GABRQ: variants seen among roughly 807,000 people sequenced by gnomAD.
GABRQ encodes gamma-aminobutyric acid receptor subunit theta.
In GABRQ, 19 loss-of-function variants were observed where a neutral mutation model predicts 30.5. The observed-to-expected ratio is 0.62, with a 90% CI of 0.43 to 0.91. The LOEUF is 0.91. Among genes scored for constraint, GABRQ ranks in the 40% least tolerant of loss-of-function variants. The probability of loss-of-function intolerance (pLI) is 0.00; values close to 1 mark genes in which losing one functional copy is unlikely to be tolerated. For missense variants in GABRQ, 520 were observed against 521.4 expected, an observed-to-expected ratio of 1.00 and a Z score of 0.03; for synonymous variants, 187 against 210.2, an observed-to-expected ratio of 0.89 and a Z score of 0.95.
intron 1 of GABRQ, among the ~76,000 whole-genome samples, chrX:152,639,191 G>A (rs1395627048): frequency 9.3e-6 from 1 of 107,328 alleles, no homozygotes; most frequent in African/African-American, 3.4e-5. Flanking sequence ...TTGGGATGCT[G>A]CAAAATGAAA....
At chrX:152,640,294 G>A (rs1211454127) in intron 1 of GABRQ, 84 bp from the exon 2 acceptor site, 2 of 585,279 alleles carry the variant, frequency 3.4e-6, no homozygotes, top group African/African-American at 2.2e-5. Flanking sequence ...CGTATGTGCT[G>A]GAGAAGAGAA....
In GABRQ at chrX:152,656,962, G is replaced by A. The variant is rs1349929505; in HGVS notation, c.*3681G>A. On this transcript the variant is annotated 3_prime_UTR_variant, in exon 9 of 9. Coordinates refer to ENST00000598523, the MANE Select transcript of GABRQ (RefSeq NM_018558.4). ...TTTTCAGGGGAGGGAGGGAGAGGATGTTAAAGTCTCTCTTTGATAAACTTA... is the reference window on the plus strand; with the variant it reads ...TTTTCAGGGGAGGGAGGGAGAGGATATTAAAGTCTCTCTTTGATAAACTTA... 8.9e-6 allele frequency: 1 copy of A among 111,848 alleles called. No homozygotes were observed. Among genetic ancestry groups the A allele is most frequent in the Non-Finnish European group, 1.9e-5 (1 of 53,192 alleles). 9.2% of individuals were successfully genotyped at this position (111,848 alleles called of 1,213,427 possible). A position where few individuals can be genotyped will look rare whatever the true frequency, so the allele number is the denominator to read the frequency against.
Position 152,645,545 on chromosome X carries a change from G to A in GABRQ, c.257G>A (p.Arg86Lys). 3.5e-6 allele frequency: 4 copies of A among 1,131,118 alleles called. No homozygotes were observed. The highest frequency in any genetic ancestry group is 4.9e-6 in the Non-Finnish European group (4 of 822,156). 93.2% of individuals were successfully genotyped at this position (1,131,118 alleles called of 1,213,427 possible). The change falls in exon 3 of 9, where the codon AGA becomes AAA. Residue 86 changes from arginine to lysine, a missense_variant. Arg to Lys is a conservative substitution (Grantham distance 26, BLOSUM62 2). Coordinates refer to ENST00000598523, the MANE Select transcript of GABRQ (RefSeq NM_018558.4). The part of the protein sequence containing the change: ...PNFGGAPVPV[R>K]ISIYVTSIEQ... Reference sequence around the variant, plus strand: ...CTTCTAGGTGCCCCTGTGCCTGTGAGAATATCTATTTATGTCACGAGCATT... The same window carrying A: ...CTTCTAGGTGCCCCTGTGCCTGTGAAAATATCTATTTATGTCACGAGCATT...
At chrX:152,648,417 G>T (rs1556819585) in intron 4 of GABRQ, among the ~76,000 whole-genome samples, 1 of 107,009 alleles carries the variant, frequency 9.3e-6, no homozygotes, top group South Asian at 4.3e-4. Context: ...CTGGAGTGCA[G>T]TAAGTGGCAC....
downstream of GABRQ, among the ~76,000 whole-genome samples, chrX:152,658,265 C>G (rs1931186224): frequency 8.9e-6 from 1 of 111,783 alleles, no homozygotes; most frequent in Non-Finnish European, 1.9e-5. Context: ...CATTCTGACC[C>G]CAGGCTAGGT....
At position 152,656,718 on chromosome X, in the gene GABRQ, T is replaced by C. The variant is rs1931156810; in HGVS notation, c.*3437T>C. The C allele has an allele frequency of 8.9e-6, 1 of 112,554 alleles. No individual in the cohort carries two copies. Among genetic ancestry groups the C allele is most frequent in the Non-Finnish European group, 1.9e-5 (1 of 53,334 alleles). The allele number at this position is 112,554 out of a possible 1,213,427, so 9.3% of individuals were successfully genotyped here. ...CCTAATGAGGTTTCCTCATTCCATA[T>C]ATATAATAGCTAACCCTTAAAGCCA... On this transcript the variant is annotated 3_prime_UTR_variant, in exon 9 of 9. Coordinates refer to ENST00000598523, the MANE Select transcript of GABRQ (RefSeq NM_018558.4).
intron 4 of GABRQ, 71 bp downstream of exon 4, chrX:152,647,239 C>A: frequency 1.3e-6 from 1 of 777,027 alleles, no homozygotes. Context: ...TACAAACACA[C>A]TCTAAGGGAC....
Position 152,645,529 on chromosome X carries a change from G to T in GABRQ, c.241G>T (p.Ala81Ser), listed in dbSNP as rs1556819084. 1 of 1,089,564 alleles carries T rather than the reference G, an allele frequency of 9.2e-7. No individual in the cohort carries two copies. The allele number at this position is 1,089,564 out of a possible 1,213,427, so 89.8% of individuals were successfully genotyped here. Residue 81 changes from alanine (A) to serine (S), a missense_variant and splice_region_variant, in exon 3 of 9, where the codon GCC (alanine) becomes TCC (serine). Ala to Ser is a moderately conservative substitution (Grantham distance 99). Coordinates refer to ENST00000598523, the MANE Select transcript of GABRQ (RefSeq NM_018558.4). The part of the protein sequence containing the change: ...DVRLRPNFGG[A>S]PVPVRISIYV... ...AACTGTGTCTTTCTGTCTTCTAGGT[G>T]CCCCTGTGCCTGTGAGAATATCTAT... is the stretch of plus-strand genomic sequence containing the variant.
chrX:152,652,666 C>T lies in GABRQ; in HGVS notation c.1284C>T (p.Thr428=). 1 of 1,211,583 alleles carries T rather than the reference C, an allele frequency of 8.3e-7. No individual in the cohort carries two copies. Among genetic ancestry groups the T allele is most frequent in the Non-Finnish European group, 1.1e-6 (1 of 895,265 alleles). The stretch of plus-strand genomic sequence containing the variant: ...CCTCCGAGCAGGCCCAGCTGGCCAC[C>T]TCGGAAAGCCTCAGCCCACTCACTT... ...TSTSEQAQLA[T]SESLSPLTSL... The change falls in exon 9 of 9, where the codon ACC becomes ACT. Residue 428 remains threonine (T), a synonymous_variant. Transcript: ENST00000598523.
rs1179435950 is a variant in GABRQ, at chrX:152,638,021, G to A, written c.-182G>A. Among the ~76,000 whole-genome samples, 1 of 112,924 alleles carries A rather than the reference G, an allele frequency of 8.9e-6. No individual in the cohort carries two copies. The highest frequency in any genetic ancestry group is 1.9e-5 in the Non-Finnish European group (1 of 53,222). On this transcript the variant is annotated 5_prime_UTR_variant, in exon 1 of 9. Transcript: ENST00000598523. ...CCGGGCTCTCATCTCCGGTATCCGG[G>A]CCGACCCCCGCACCCCCTACTTCCC...
intron 2 of GABRQ, among the ~76,000 whole-genome samples, chrX:152,643,216 C>T (rs1173449811): frequency 8.9e-6 from 1 of 112,195 alleles, no homozygotes; most frequent in Non-Finnish European, 1.9e-5. Flanking sequence ...TTTCTTGGAA[C>T]TCCTGTCACC....
chrX:152,644,263 C>T (rs1556818863), intron 2 of GABRQ, among the ~76,000 whole-genome samples: 3 of 112,178 alleles, frequency 2.7e-5, no homozygotes, highest in Non-Finnish European at 5.6e-5. Flanking sequence ...CAAACACATG[C>T]TCACACATAC....
At chrX:152,650,303 C>A in intron 6 of GABRQ, 125 bp from the exon 7 acceptor site, 1 of 567,962 alleles carries the variant, frequency 1.8e-6, no homozygotes. Flanking sequence ...AAGCTGGATG[C>A]CTCTGGATGG....
chrX:152,649,596 A>C (rs1930969634), intron 5 of GABRQ, 146 bp from the exon 6 acceptor site: 2 of 484,966 alleles, frequency 4.1e-6, no homozygotes, highest in South Asian at 3.1e-5. Context: ...GGTGGTCTTT[A>C]GAGCATAAAC....
At chrX:152,657,553 G>A (rs965508536), downstream of GABRQ, 4 of 111,837 alleles carry the variant, frequency 3.6e-5, no homozygotes, top group Admixed American at 9.5e-5. Flanking sequence ...CCAGGTCATC[G>A]TGTTTCCTCT....
rs1011528296 is a variant in GABRQ at position 152,645,873 on chromosome X, C to T, written c.306+279C>T. Among the ~76,000 whole-genome samples, 4 of 112,558 alleles carry T rather than the reference C, an allele frequency of 3.6e-5. No individual in the cohort carries two copies. In the Admixed American group the frequency reaches 3.8e-4, roughly 11 times the overall value. On this transcript the variant is annotated intron_variant, in intron 3 of 8. Coordinates refer to ENST00000598523, the MANE Select transcript of GABRQ (RefSeq NM_018558.4). ...TGTAGAACACTGGCTTTATGTCTTG[C>T]AGTAGGATTTCTTTAAAAAGACACA... is the stretch of plus-strand genomic sequence containing the variant.
rs1268503314 is a variant in GABRQ at position 152,638,430 on chromosome X, GCGGGCTGGGGGCGACT to G, written c.149+91_149+106del. The G allele has an allele frequency of 3.4e-5, 35 of 1,025,581 alleles. No homozygotes were observed. The African/African-American group carries it at 4.5e-4, about 13-fold the overall frequency. 84.5% of individuals were successfully genotyped at this position (1,025,581 alleles called of 1,213,427 possible). Reference sequence around the variant, plus strand: ...GACGACCTCTGGCCTCTTGGACGGAGCGGGCTGGGGGCGACTCGGGCTGGGGGGTACTCGGACCCGG... The same window carrying G: ...GACGACCTCTGGCCTCTTGGACGGAGCGGGCTGGGGGGTACTCGGACCCGG... On this transcript the variant is annotated intron_variant, in intron 1 of 8. Transcript: ENST00000598523.
intron 2 of GABRQ, among the ~76,000 whole-genome samples, chrX:152,641,074 G>T (rs1447495896): frequency 8.9e-6 from 1 of 111,755 alleles, no homozygotes; most frequent in Non-Finnish European, 1.9e-5. Flanking sequence ...AAACTCCTCA[G>T]CCTAGTCCTC....
At chrX:152,640,215 G>C (rs782325504) in intron 1 of GABRQ, among the ~76,000 whole-genome samples, 163 bp from the exon 2 acceptor site, 1 of 110,675 alleles carries the variant, frequency 9.0e-6, no homozygotes, top group African/African-American at 3.3e-5. Flanking sequence ...TGCGCTTCTG[G>C]CTGACTCACC....
Sources: allele counts gnomAD v4.1 joint callset (sites outside exome capture counted in the v4.1 genomes callset), GRCh38; gene constraint gnomAD v4.1.1; transcripts MANE v1.5; gene names NCBI Gene and HGNC (gene_info 2026-07-23, HGNC 2026-07-21).